Variants in KTN1 observed in about 807,000 individuals in gnomAD.
The protein encoded by KTN1 is kinectin 1, also known as kinectin.
A neutral mutation model predicts 222.5 loss-of-function variants in KTN1; 130 were observed. The observed-to-expected ratio is 0.58, with a 90% CI of 0.51 to 0.68. KTN1 has a LOEUF of 0.68. Among genes scored for constraint, KTN1 ranks in the 30% least tolerant of loss-of-function variants. The pLI is 0.00. For synonymous variants in KTN1, 512 were observed against 496.3 expected (o/e 1.03, Z -0.42); for missense variants, 1,508 against 1,500.4 (o/e 1.01, Z -0.08).
rs559195054 is a variant in KTN1 at position 55,616,775 on chromosome 14, A to G, written c.661+121A>G. 23 of 720,018 alleles carry G rather than the reference A, an allele frequency of 3.2e-5. 1 individual carries two copies. In the South Asian group the frequency reaches 5.1e-4, roughly 16 times the overall value. 44.6% of individuals were successfully genotyped at this position (720,018 alleles called of 1,614,324 possible). A position where few individuals can be genotyped will look rare whatever the true frequency, so the allele number is the denominator to read the frequency against. ...TTAATGTGTGCTAATGACAACTGTA[A>G]TACTAATGCAGGTCTAAAATTATCT... On this transcript the variant is annotated intron_variant, in intron 3 of 43. Transcript: ENST00000395314.
intron 42 of KTN1, chr14:55,679,108 T>C (rs779202656): frequency 6.2e-6 from 1 of 160,892 alleles, no homozygotes; most frequent in Non-Finnish European, 1.3e-5. Flanking sequence ...ATAGTACCTA[T>C]CCTGTAGGGT....
chr14:55,600,498 G>A (rs1418190915), intron 1 of KTN1, among the ~76,000 whole-genome samples: 6 of 152,138 alleles, frequency 3.9e-5, no homozygotes, highest in Non-Finnish European at 8.8e-5. Flanking sequence ...AAAAGAACTT[G>A]TCTTTCCAAA....
Position 55,612,060 on chromosome 14 carries a change from T to G in KTN1, c.12T>G (p.Tyr4Ter). MEF[Y>*]ESAYFIVLIP... is the part of the protein sequence containing the mutation. The stretch of plus-strand genomic sequence containing the variant: ...TTGACAAAAGTACCATGGAGTTTTA[T>G]GAGTCAGCATATTTTATTGTTCTTA... The change falls in exon 2 of 44, where the codon TAT becomes TAG. Residue 4 changes from tyrosine to a stop codon, truncating the protein, a stop_gained. Coordinates refer to ENST00000395314, the MANE Select transcript of KTN1 (RefSeq NM_001079521.2). LOFTEE classifies it high-confidence loss of function. 2.0e-6 allele frequency: 3 copies of G among 1,468,130 alleles called. No individual in the cohort carries two copies. The highest frequency in any genetic ancestry group is 2.7e-6 in the Non-Finnish European group (3 of 1,111,220). The allele number at this position is 1,468,130 out of a possible 1,614,324, so 90.9% of individuals were successfully genotyped here. A position where few individuals can be genotyped will look rare whatever the true frequency, so the allele number is the denominator to read the frequency against.
intron 12 of KTN1, 135 bp downstream of exon 12, chr14:55,637,982 G>T: frequency 1.6e-6 from 1 of 623,512 alleles, no homozygotes; most frequent in Middle Eastern, 2.6e-4. Flanking sequence ...ATGATCCTGA[G>T]TGCTAAACAC....
chr14:55,628,100 A>C, intron 6 of KTN1, 72 bp downstream of exon 6: 1 of 922,934 alleles, frequency 1.1e-6, no homozygotes, highest in Non-Finnish European at 1.7e-6. Flanking sequence ...GAAATTGTCC[A>C]TAATCAGTAG....
intron 18 of KTN1, among the ~76,000 whole-genome samples, chr14:55,642,261 A>G (rs563877272): frequency 6.6e-6 from 1 of 152,196 alleles, no homozygotes; most frequent in Non-Finnish European, 1.5e-5. Context: ...TATGGTGCCT[A>G]GTCTAGTGCT....
Position 55,639,792 on chromosome 14 carries a change from A to G in KTN1, c.1824-121A>G, listed in dbSNP as rs577844680. On this transcript the variant is annotated intron_variant, in intron 13 of 43. Transcript: ENST00000395314. The stretch of plus-strand genomic sequence containing the variant: ...AGTTGTTAGTAAACTGAAAGGGGCT[A>G]TAGAAATGGAAGGTATATGAGAACT... 6.2e-6 allele frequency: 4 copies of G among 647,008 alleles called. No homozygotes were observed. The South Asian group carries it at 7.8e-5, about 13-fold the overall frequency. The allele number at this position is 647,008 out of a possible 1,614,324, so 40.1% of individuals were successfully genotyped here.
chr14:55,636,253 G>A (rs2041113021), intron 9 of KTN1, among the ~76,000 whole-genome samples, 196 bp from the exon 10 acceptor site: 1 of 152,194 alleles, frequency 6.6e-6, no homozygotes, highest in South Asian at 2.1e-4. Context: ...TTGGAGGATA[G>A]GATGGCTATG....
chr14:55,614,815 G>A (rs1232961309), intron 2 of KTN1, among the ~76,000 whole-genome samples: 1 of 152,180 alleles, frequency 6.6e-6, no homozygotes, highest in Non-Finnish European at 1.5e-5. Context: ...TTGCCAACTT[G>A]TGCTTGGCAG....
intron 1 of KTN1, among the ~76,000 whole-genome samples, chr14:55,601,218 A>T (rs537981703): frequency 3.9e-5 from 6 of 152,356 alleles, no homozygotes; most frequent in African/African-American, 1.4e-4. Flanking sequence ...AGTACTTTAG[A>T]ATGGATATTG....
chr14:55,609,175 GGT>G (rs2037184562), intron 1 of KTN1, among the ~76,000 whole-genome samples: 1 of 152,050 alleles, frequency 6.6e-6, no homozygotes, highest in Non-Finnish European at 1.5e-5. Context: ...AACAGGCCCT[GGT>G]GTGTGTTGTT....
Position 55,664,659 on chromosome 14 carries a change from T to C in KTN1, c.3177+618T>C, listed in dbSNP as rs143266418. ...GTATGTAAAGTACTCCTGAAATATATAGCCCCCTCTGTCTTCAGAACAATG... is the reference window on the plus strand; with the variant it reads ...GTATGTAAAGTACTCCTGAAATATACAGCCCCCTCTGTCTTCAGAACAATG... On this transcript the variant is annotated intron_variant, in intron 33 of 43. Transcript: ENST00000395314. Among the ~76,000 whole-genome samples, 12 of 152,242 alleles carry C rather than the reference T, an allele frequency of 7.9e-5. No individual in the cohort carries two copies. The East Asian group carries it at 2.1e-3, about 27-fold the overall frequency.
chr14:55,648,238 A>G lies in KTN1; in HGVS notation c.2298+123A>G, dbSNP rs2042592683. The G allele has an allele frequency of 6.6e-6, 3 of 453,274 alleles. 1 individual carries two copies. Among genetic ancestry groups the G allele is most frequent in the Non-Finnish European group, 1.2e-5 (3 of 253,588 alleles). The allele number at this position is 453,274 out of a possible 1,614,324, so 28.1% of individuals were successfully genotyped here. On this transcript the variant is annotated intron_variant, in intron 20 of 43. Coordinates refer to ENST00000395314, the MANE Select transcript of KTN1 (RefSeq NM_001079521.2). Reference sequence around the variant, plus strand: ...TTAATAGTACCTCTCACATTTATAAATTTATATAATGCTTTTTTAATTAAA... The same window carrying G: ...TTAATAGTACCTCTCACATTTATAAGTTTATATAATGCTTTTTTAATTAAA...
rs1409666922 is a variant in KTN1, at chr14:55,680,805, A to G, written c.4069+1120A>G. On this transcript the variant is annotated intron_variant, in intron 43 of 43. Transcript: ENST00000395314. ...CAGCTCATTCTTCAACATATCAACA[A>G]AAGTAATTAAGCCTCAGCTCAAATC... The G allele has an allele frequency of 4.7e-6, 4 of 845,538 alleles. No homozygotes were observed. In the East Asian group the frequency reaches 2.1e-4, roughly 43 times the overall value. The allele number at this position is 845,538 out of a possible 1,614,324, so 52.4% of individuals were successfully genotyped here.
chr14:55,679,772 C>A, intron 43 of KTN1, 87 bp downstream of exon 43: 1 of 1,320,006 alleles, frequency 7.6e-7, no homozygotes, highest in Non-Finnish European at 1.1e-6. Context: ...ACTCACTTCA[C>A]TAGAGGAAAT....
rs965947155 is a variant in KTN1 at position 55,650,658 on chromosome 14, G to A, written c.2565+21G>A. The A allele has an allele frequency of 3.2e-6, 5 of 1,549,822 alleles. No homozygotes were observed. The South Asian group carries it at 3.5e-5, about 11-fold the overall frequency. ...AACAGGTAAAAATCCCAGAGCCATA[G>A]CATGACAGATTTATTAGTTGTGTTA... On this transcript the variant is annotated intron_variant, in intron 24 of 43. Coordinates refer to ENST00000395314, the MANE Select transcript of KTN1 (RefSeq NM_001079521.2).
intron 37 of KTN1, 56 bp from the exon 38 acceptor site, chr14:55,672,574 G>A (rs2045542492): frequency 2.9e-6 from 3 of 1,035,144 alleles, no homozygotes; most frequent in South Asian, 1.3e-5. Context: ...CTACAGGATA[G>A]AAACTGCTAT....
intron 1 of KTN1, among the ~76,000 whole-genome samples, chr14:55,593,671 C>T (rs17683728): frequency 0.077 from 11,704 of 151,936 alleles, 502 homozygotes; most frequent in South Asian, 0.12. Context: ...ACTTGGGGAA[C>T]GTGAACGAAC....
At chr14:55,586,689 C>A (rs1403547093) in intron 1 of KTN1, among the ~76,000 whole-genome samples, 1 of 152,018 alleles carries the variant, frequency 6.6e-6, no homozygotes, top group South Asian at 2.1e-4. Flanking sequence ...ATCCCCCTCC[C>A]CCCCATAGGA....
Sources: allele counts gnomAD v4.1 joint callset (sites outside exome capture counted in the v4.1 genomes callset), GRCh38; gene constraint gnomAD v4.1.1; transcripts MANE v1.5; gene names NCBI Gene and HGNC (gene_info 2026-07-23, HGNC 2026-07-21).